The following SP6 variants were observed in gnomAD, a reference collection of about 807,000 sequenced individuals.
SP6 encodes the protein Sp6 transcription factor.
In SP6, 10 loss-of-function variants were observed where a neutral mutation model predicts 23.4. The ratio of observed to expected loss-of-function variants is 0.43; its 90% CI spans 0.26 to 0.72. The LOEUF (loss-of-function observed/expected upper bound fraction) is 0.72, where lower values mean the gene tolerates loss of function less well. Among genes scored for constraint, SP6 ranks in the 30% least tolerant of loss-of-function variants. SP6 has a pLI of 0.23. For synonymous variants in SP6, 238 were observed against 238.7 expected, an observed-to-expected ratio of 1.00 and a Z score of 0.03; for missense variants, 482 against 523.8, an observed-to-expected ratio of 0.92 and a Z score of 0.78.
chr17:47,851,869 C>T (rs1008841124), upstream of SP6, among the ~76,000 whole-genome samples: 4 of 151,790 alleles, frequency 2.6e-5, no homozygotes, highest in African/African-American at 9.7e-5. Flanking sequence ...AGCCTCTGCC[C>T]ACCACCGGTC....
the SP6 span, among the ~76,000 whole-genome samples, chr17:47,862,394 G>A: frequency 6.7e-6 from 1 of 149,306 alleles, no homozygotes; most frequent in African/African-American, 2.5e-5. Flanking sequence ...TGTAGTCCAA[G>A]CTACTTGGGA....
the SP6 span, chr17:47,864,364 A>G: frequency 6.6e-6 from 1 of 152,132 alleles, no homozygotes; most frequent in African/African-American, 2.4e-5. Context: ...TCCTGGGCTC[A>G]AGCAATCCTC....
At chr17:47,849,371 A>G (rs1286914121) in intron 1 of SP6, among the ~76,000 whole-genome samples, 2 of 152,198 alleles carry the variant, frequency 1.3e-5, no homozygotes, top group African/African-American at 4.8e-5. Flanking sequence ...GGAAGATACA[A>G]TTGCACCCCT....
At chr17:47,870,734 G>A in the SP6 span, among the ~76,000 whole-genome samples, 8 of 152,212 alleles carry the variant, frequency 5.3e-5, no homozygotes, top group South Asian at 6.2e-4. Context: ...CTAAACATCC[G>A]GGTTTCCTAA....
chr17:47,857,711 C>T (rs1218528246), upstream of SP6, among the ~76,000 whole-genome samples: 3 of 152,052 alleles, frequency 2.0e-5, no homozygotes, highest in Admixed American at 2.0e-4. Flanking sequence ...CAGTGATGGG[C>T]GGGAGAGAGG....
chr17:47,871,644 A>C, the SP6 span, among the ~76,000 whole-genome samples: 1 of 143,598 alleles, frequency 7.0e-6, no homozygotes, highest in Non-Finnish European at 1.5e-5. Context: ...TTTGAAACAG[A>C]GTTTTGCTCT....
At chr17:47,867,817 A>G in the SP6 span, among the ~76,000 whole-genome samples, 6 of 152,284 alleles carry the variant, frequency 3.9e-5, no homozygotes, top group African/African-American at 1.2e-4. Context: ...GAGCCTGGGA[A>G]GGAAGAATCT....
chr17:47,866,041 A>G, the SP6 span, among the ~76,000 whole-genome samples: 4 of 151,612 alleles, frequency 2.6e-5, no homozygotes, highest in Non-Finnish European at 5.9e-5. Context: ...GCTCTTACCA[A>G]TTTTTCATCA....
At chr17:47,867,915 G>C in the SP6 span, among the ~76,000 whole-genome samples, 1 of 152,070 alleles carries the variant, frequency 6.6e-6, no homozygotes, top group Non-Finnish European at 1.5e-5. Context: ...CTGCCTGTGT[G>C]TCCCCCAACC....
chr17:47,847,394 C>T lies in SP6; in HGVS notation c.1036G>A (p.Ala346Thr). The part of the protein sequence containing the change: ...HEGAKEEAAG[A>T]ASGEGKAGGA... ...CCGGCCTTGCCCTCTCCCGAGGCCG[C>T]CCCAGCCGCCTCCTCCTTGGCGCCC... Residue 346 changes from alanine (A) to threonine (T), a missense_variant, in exon 2 of 2, where the codon GCG becomes ACG. Coordinates refer to ENST00000536300, the MANE Select transcript of SP6 (RefSeq NM_001258248.2). 2 of 1,612,826 alleles carry T rather than the reference C, an allele frequency of 1.2e-6. No individual in the cohort carries two copies. The highest frequency in any genetic ancestry group is 1.1e-5 in the South Asian group (1 of 91,036).
chr17:47,865,387 G>A, the SP6 span, among the ~76,000 whole-genome samples: 2 of 151,968 alleles, frequency 1.3e-5, no homozygotes, highest in African/African-American at 2.4e-5. Context: ...CAACCTCCCC[G>A]ACTGACCAGG....
At position 47,845,053 on chromosome 17, in the gene SP6, C is replaced by A. The variant is rs960235761; in HGVS notation, c.*2246G>T. On this transcript the variant is annotated 3_prime_UTR_variant, in exon 2 of 2. Transcript: ENST00000536300. ...GGGGACTGCCTAGAAAGACAGGCAG[C>A]CAAGCAGCCTAGATCTATAAAAGAG... The A allele has an allele frequency of 6.6e-6, 1 of 152,414 alleles. No homozygotes were observed. Among genetic ancestry groups the A allele is most frequent in the Non-Finnish European group, 1.5e-5 (1 of 68,034 alleles). 9.4% of individuals were successfully genotyped at this position (152,414 alleles called of 1,614,324 possible).
chr17:47,872,677 C>T, the SP6 span, among the ~76,000 whole-genome samples: 1 of 152,230 alleles, frequency 6.6e-6, no homozygotes, highest in Non-Finnish European at 1.5e-5. Flanking sequence ...GCTGAGCACC[C>T]AGCCTCCGTT....
upstream of SP6, among the ~76,000 whole-genome samples, chr17:47,855,008 G>C (rs1481588812): frequency 6.6e-6 from 1 of 152,112 alleles, no homozygotes; most frequent in Admixed American, 6.6e-5. Flanking sequence ...CCTAAAGCTG[G>C]GGTCAAATAG....
chr17:47,873,787 C>CTT, the SP6 span, among the ~76,000 whole-genome samples: 1 of 151,868 alleles, frequency 6.6e-6, no homozygotes, highest in African/African-American at 2.4e-5. Flanking sequence ...CTCCCCTTTT[C>CTT]TTTTCTCTTT....
At chr17:47,874,613 T>C in the SP6 span, among the ~76,000 whole-genome samples, 4 of 152,104 alleles carry the variant, frequency 2.6e-5, no homozygotes, top group Non-Finnish European at 5.9e-5. Context: ...TTGCTGCTGA[T>C]GTTGGGGTTC....
the SP6 span, among the ~76,000 whole-genome samples, chr17:47,866,349 G>A: frequency 2.0e-5 from 3 of 152,154 alleles, no homozygotes; most frequent in African/African-American, 7.2e-5. Flanking sequence ...CAAGGAAGAT[G>A]TGAGGAGGGG....
At chr17:47,860,769 TGA>T (rs1303390308), upstream of SP6, among the ~76,000 whole-genome samples, 1 of 151,924 alleles carries the variant, frequency 6.6e-6, no homozygotes, top group Non-Finnish European at 1.5e-5. Context: ...GTCACATCAC[TGA>T]GAGTTGGCCT....
chr17:47,866,693 C>A, the SP6 span, among the ~76,000 whole-genome samples: 2 of 152,276 alleles, frequency 1.3e-5, no homozygotes, highest in South Asian at 4.1e-4. Flanking sequence ...CATCTTCCCC[C>A]AGGCACGCAT....
Sources: allele counts gnomAD v4.1 joint callset (sites outside exome capture counted in the v4.1 genomes callset), GRCh38; gene constraint gnomAD v4.1.1; transcripts MANE v1.5; gene names NCBI Gene and HGNC (gene_info 2026-07-23, HGNC 2026-07-21).